EXOC4: variants seen among roughly 807,000 people sequenced by gnomAD.
EXOC4 encodes the protein exocyst complex component 4.
Under a neutral mutation model 107.2 loss-of-function variants are expected in EXOC4, and 71 were observed. The ratio of observed to expected loss-of-function variants is 0.66; its 90% CI spans 0.55 to 0.81. The LOEUF (loss-of-function observed/expected upper bound fraction) is 0.81, where lower values mean the gene tolerates loss of function less well. Ranked by LOEUF, EXOC4 falls within the 30% of genes least tolerant of loss-of-function variation. The pLI is 0.00. For synonymous variants in EXOC4, 456 were observed against 441.2 expected (o/e 1.03, Z -0.42); for missense variants, 1,108 against 1,189.6 (o/e 0.93, Z 1.01).
At chr7:133,530,667 A>G (rs1800165336) in intron 9 of EXOC4, among the ~76,000 whole-genome samples, 1 of 152,344 alleles carries the variant, frequency 6.6e-6, no homozygotes. Context: ...ATGTAGAGTT[A>G]CTTGGTAACT....
intron 10 of EXOC4, among the ~76,000 whole-genome samples, chr7:133,724,469 T>A (rs530048139): frequency 6.6e-6 from 1 of 152,374 alleles, no homozygotes; most frequent in African/African-American, 2.4e-5. Flanking sequence ...TTTTATTTTT[T>A]TCAACAGATA....
At chr7:133,676,880 T>G (rs1794069003) in intron 10 of EXOC4, among the ~76,000 whole-genome samples, 1 of 151,978 alleles carries the variant, frequency 6.6e-6, no homozygotes, top group African/African-American at 2.4e-5. Context: ...CAAAAAGTTA[T>G]ATTCATTTAA....
chr7:133,947,533 A>G (rs10255763), intron 14 of EXOC4, among the ~76,000 whole-genome samples: 47,289 of 152,082 alleles, frequency 0.31, 7,811 homozygotes, highest in Non-Finnish European at 0.36. Flanking sequence ...TCAAAACTAC[A>G]AAAACAAGGC....
intron 17 of EXOC4, among the ~76,000 whole-genome samples, chr7:134,011,137 C>T (rs147242800): frequency 1.5e-4 from 23 of 151,414 alleles, no homozygotes; most frequent in Non-Finnish European, 3.0e-4. Flanking sequence ...GGTGGAAGGG[C>T]TTTATGAGTG....
At chr7:133,356,975 G>T (rs188974968) in intron 6 of EXOC4, among the ~76,000 whole-genome samples, 1 of 152,064 alleles carries the variant, frequency 6.6e-6, no homozygotes, top group Admixed American at 6.5e-5. Flanking sequence ...GCGAGACTCC[G>T]TCTTAAAAAA....
intron 5 of EXOC4, among the ~76,000 whole-genome samples, chr7:133,347,911 A>G (rs979738168): frequency 1.3e-5 from 2 of 152,220 alleles, no homozygotes; most frequent in Non-Finnish European, 2.9e-5. Context: ...TCAGAGCAGA[A>G]AAATCAAGGG....
intron 14 of EXOC4, among the ~76,000 whole-genome samples, chr7:133,956,180 TTC>T (rs1490250650): frequency 5.1e-5 from 7 of 136,340 alleles, no homozygotes; most frequent in Admixed American, 1.4e-4. Flanking sequence ...GCTTTTTATG[TTC>T]TTTTTTTTTT....
intron 10 of EXOC4, among the ~76,000 whole-genome samples, chr7:133,758,732 A>C (rs151269752): frequency 6.6e-6 from 1 of 152,244 alleles, no homozygotes; most frequent in East Asian, 1.9e-4. Flanking sequence ...GTATGTGTAC[A>C]TCATAGTTTC....
chr7:133,854,508 G>A (rs888158861), intron 11 of EXOC4, among the ~76,000 whole-genome samples: 4 of 151,582 alleles, frequency 2.6e-5, no homozygotes, highest in African/African-American at 9.7e-5. Flanking sequence ...CAAGAGGAAG[G>A]CAGCTTACAT....
At chr7:133,384,791 G>A (rs2150706570) in intron 7 of EXOC4, among the ~76,000 whole-genome samples, 1 of 145,768 alleles carries the variant, frequency 6.9e-6, no homozygotes, top group Admixed American at 6.9e-5. Context: ...GAATCCTTGA[G>A]TATAGCGATA....
the EXOC4 span, among the ~76,000 whole-genome samples, chr7:134,081,851 G>A: frequency 2.4e-4 from 36 of 152,296 alleles, no homozygotes; most frequent in Non-Finnish European, 3.1e-4. Context: ...TGTGGGCTGT[G>A]TACAGAAAAA....
chr7:133,319,717 G>T (rs1391179203), intron 5 of EXOC4, among the ~76,000 whole-genome samples: 34 of 152,034 alleles, frequency 2.2e-4, no homozygotes, highest in Admixed American at 2.2e-3. Flanking sequence ...CTGACCTCAG[G>T]TAATTGTCCG....
intron 10 of EXOC4, among the ~76,000 whole-genome samples, chr7:133,670,819 T>C (rs1055039767): frequency 7.9e-5 from 12 of 152,216 alleles, no homozygotes; most frequent in Non-Finnish European, 1.5e-4. Context: ...GTTCCTGTTA[T>C]GTATCAAGTA....
At chr7:133,685,997 A>G (rs1794289803) in intron 10 of EXOC4, among the ~76,000 whole-genome samples, 3 of 152,170 alleles carry the variant, frequency 2.0e-5, no homozygotes, top group African/African-American at 7.2e-5. Flanking sequence ...TTCATTTAAG[A>G]TAACCGCCTC....
At chr7:133,777,621 A>C (rs1383244879) in intron 10 of EXOC4, among the ~76,000 whole-genome samples, 1 of 152,212 alleles carries the variant, frequency 6.6e-6, no homozygotes, top group African/African-American at 2.4e-5. Flanking sequence ...TGGATGAGTA[A>C]CATAGATGCG....
chr7:133,711,401 G>A (rs749810344), intron 10 of EXOC4, among the ~76,000 whole-genome samples: 2 of 152,170 alleles, frequency 1.3e-5, no homozygotes, highest in Non-Finnish European at 2.9e-5. Context: ...TTTGTGGAAG[G>A]ATGCACAAAC....
chr7:133,650,222 C>T (rs1465921776), intron 10 of EXOC4, among the ~76,000 whole-genome samples: 1 of 151,994 alleles, frequency 6.6e-6, no homozygotes, highest in Non-Finnish European at 1.5e-5. Context: ...GATTATGTGG[C>T]AACATTACTA....
At chr7:133,572,983 A>G (rs141329114) in intron 9 of EXOC4, among the ~76,000 whole-genome samples, 46 of 152,360 alleles carry the variant, frequency 3.0e-4, no homozygotes, top group African/African-American at 1.1e-3. Context: ...ACCAGAAAGC[A>G]CTATCCAGAT....
At chr7:133,604,301 T>TA (rs1250094285) in intron 9 of EXOC4, among the ~76,000 whole-genome samples, 27 of 152,326 alleles carry the variant, frequency 1.8e-4, no homozygotes, top group African/African-American at 6.3e-4. Flanking sequence ...GTATAGTAAA[T>TA]ACATAAACCA....
Sources: gnomAD v4.1 joint callset for allele counts (sites outside exome capture counted in the v4.1 genomes callset) on GRCh38, gnomAD v4.1.1 for gene constraint, MANE v1.5 for transcripts, NCBI Gene and HGNC (gene_info 2026-07-23, HGNC 2026-07-21) for gene names.